The following KLHL3 variants were observed in gnomAD, a reference collection of about 807,000 sequenced individuals.
The protein encoded by KLHL3 is kelch-like protein 3.
Under a neutral mutation model 70.5 loss-of-function variants are expected in KLHL3, and 19 were observed. That is an observed-to-expected ratio of 0.27 (90% CI 0.19 to 0.40). KLHL3 has a LOEUF of 0.40. Ranked by LOEUF, KLHL3 falls within the 10% of genes least tolerant of loss-of-function variation. KLHL3 has a pLI of 1.00. For synonymous variants in KLHL3, 258 were observed against 290.3 expected (o/e 0.89, Z 1.13); for missense variants, 512 against 771.1 (o/e 0.66, Z 3.98).
intron 8 of KLHL3, among the ~76,000 whole-genome samples, chr5:137,652,200 A>C (rs1751218184): frequency 6.6e-6 from 1 of 152,186 alleles, no homozygotes; most frequent in Admixed American, 6.5e-5. Context: ...AAAATTGAAA[A>C]ATTAAAAACT....
chr5:137,651,255 T>G (rs2149892219), intron 8 of KLHL3, among the ~76,000 whole-genome samples: 1 of 152,326 alleles, frequency 6.6e-6, no homozygotes, highest in Middle Eastern at 3.4e-3. Context: ...GTAGAGGAGC[T>G]AACACTCTAG....
intron 7 of KLHL3, chr5:137,661,337 T>C (rs1246006910): frequency 6.6e-6 from 1 of 152,190 alleles, no homozygotes; most frequent in African/African-American, 2.4e-5. Context: ...CGAGAAAACA[T>C]ATGGCACCAT....
intron 1 of KLHL3, among the ~76,000 whole-genome samples, chr5:137,725,343 C>T (rs1464117785): frequency 6.6e-6 from 1 of 152,182 alleles, no homozygotes; most frequent in African/African-American, 2.4e-5. Flanking sequence ...TGTTGAAAAG[C>T]ATTTCACAGT....
chr5:137,639,245 A>T lies in KLHL3; in HGVS notation c.1022-95T>A. The T allele has an allele frequency of 8.4e-7, 1 of 1,190,164 alleles. No homozygotes were observed. 73.7% of individuals were successfully genotyped at this position (1,190,164 alleles called of 1,614,324 possible). A position where few individuals can be genotyped will look rare whatever the true frequency, so the allele number is the denominator to read the frequency against. ...TGGAGGAGCAAGACAGACACAGGAAAAGTCGCCACCGAAGATACTTTAGGT... is the reference window on the plus strand; with the variant it reads ...TGGAGGAGCAAGACAGACACAGGAATAGTCGCCACCGAAGATACTTTAGGT... On this transcript the variant is annotated intron_variant, in intron 9 of 14. Coordinates refer to ENST00000309755, the MANE Select transcript of KLHL3 (RefSeq NM_017415.3). This position sits in a 1 kb window ranked among gnomAD's most constrained non-coding sequence, Gnocchi z 5.0.
chr5:137,630,107 T>C (rs964589201), intron 12 of KLHL3, among the ~76,000 whole-genome samples: 2 of 152,172 alleles, frequency 1.3e-5, no homozygotes, highest in Non-Finnish European at 2.9e-5. Context: ...TCGACATGCA[T>C]GTGGGTTCCC....
At chr5:137,657,985 G>C (rs1288677366) in intron 8 of KLHL3, 146 bp downstream of exon 8, 3 of 715,580 alleles carry the variant, frequency 4.2e-6, no homozygotes, top group Non-Finnish European at 7.0e-6. Flanking sequence ...AGATTCAAGA[G>C]GAACCAGCAG....
At chr5:137,663,712 T>C (rs375729554) in intron 6 of KLHL3, among the ~76,000 whole-genome samples, 1 of 152,166 alleles carries the variant, frequency 6.6e-6, no homozygotes, top group African/African-American at 2.4e-5. Flanking sequence ...TCCCTGGATA[T>C]GGAACTCACG....
At chr5:137,654,051 T>C (rs966742088) in intron 8 of KLHL3, among the ~76,000 whole-genome samples, 1 of 152,100 alleles carries the variant, frequency 6.6e-6, no homozygotes, top group African/African-American at 2.4e-5. Context: ...GGCAAAACCA[T>C]AGGGACAGAA....
intron 1 of KLHL3, among the ~76,000 whole-genome samples, chr5:137,729,951 C>T (rs1326094143): frequency 1.3e-5 from 2 of 152,102 alleles, no homozygotes; most frequent in East Asian, 3.8e-4. Context: ...TCAGCAGTGC[C>T]ACCTCAGTTC....
At chr5:137,648,682 T>A (rs1751117390) in intron 8 of KLHL3, among the ~76,000 whole-genome samples, 1 of 152,194 alleles carries the variant, frequency 6.6e-6, no homozygotes, top group Non-Finnish European at 1.5e-5. Flanking sequence ...GAAAAACACC[T>A]TTATTAGCCT....
intron 6 of KLHL3, among the ~76,000 whole-genome samples, chr5:137,665,676 G>T (rs542987813): frequency 1.3e-5 from 2 of 152,286 alleles, no homozygotes; most frequent in Non-Finnish European, 2.9e-5. Flanking sequence ...ATGGCAGAAA[G>T]TTGAAATGAA....
chr5:137,715,581 C>T (rs982139377), intron 2 of KLHL3, among the ~76,000 whole-genome samples: 4 of 152,202 alleles, frequency 2.6e-5, no homozygotes, highest in Admixed American at 6.5e-5. Context: ...ACAAGCTTCA[C>T]TAAGGGCAAG....
chr5:137,643,482 T>A (rs1047765993), intron 8 of KLHL3, among the ~76,000 whole-genome samples: 1 of 152,096 alleles, frequency 6.6e-6, no homozygotes, highest in Non-Finnish European at 1.5e-5. Flanking sequence ...GGAAAATGAA[T>A]TATGAGGTTT....
intron 6 of KLHL3, among the ~76,000 whole-genome samples, chr5:137,670,984 A>AAC (rs1554093022): frequency 6.6e-6 from 1 of 151,448 alleles, no homozygotes; most frequent in African/African-American, 2.4e-5. Context: ...AAAAAAAAAA[A>AAC]AACAACAACA....
intron 4 of KLHL3, among the ~76,000 whole-genome samples, chr5:137,694,923 G>A (rs1752409833): frequency 6.6e-6 from 1 of 152,058 alleles, no homozygotes; most frequent in Admixed American, 6.5e-5. Flanking sequence ...GATGTGAGAA[G>A]AGGCAGGAAT....
chr5:137,650,821 TAAA>T (rs202115631), intron 8 of KLHL3, among the ~76,000 whole-genome samples: 6 of 118,334 alleles, frequency 5.1e-5, no homozygotes, highest in East Asian at 2.3e-4. Flanking sequence ...AAACTCCATC[TAAA>T]AAAAAAAAAA....
At chr5:137,709,982 G>A in intron 2 of KLHL3, 126 bp from the exon 3 acceptor site, 2 of 731,378 alleles carry the variant, frequency 2.7e-6, no homozygotes, top group South Asian at 3.2e-5. Context: ...ACAGGGACTT[G>A]CTCTATCTTG....
At chr5:137,684,312 T>A (rs1238146259) in intron 5 of KLHL3, among the ~76,000 whole-genome samples, 2 of 152,236 alleles carry the variant, frequency 1.3e-5, no homozygotes, top group Admixed American at 6.5e-5. Flanking sequence ...ATGCCCATCA[T>A]TATGATCATC....
chr5:137,627,864 C>G (rs17171530), intron 13 of KLHL3, among the ~76,000 whole-genome samples: 2,782 of 152,284 alleles, frequency 0.018, 87 homozygotes, highest in African/African-American at 0.063. Context: ...AAGGAGACTG[C>G]TTTCAAGTAG....
Sources: allele counts gnomAD v4.1 joint callset (sites outside exome capture counted in the v4.1 genomes callset), GRCh38; gene constraint gnomAD v4.1.1; non-coding constraint Gnocchi (gnomAD v3.1); transcripts MANE v1.5; gene names NCBI Gene and HGNC (gene_info 2026-07-23, HGNC 2026-07-21).